The following CNTN4 variants were observed in gnomAD, a reference collection of about 807,000 sequenced individuals.
The protein encoded by CNTN4 is contactin-4.
Under a neutral mutation model 122.5 loss-of-function variants are expected in CNTN4, and 77 were observed. That is an observed-to-expected ratio of 0.63 (90% CI 0.52 to 0.76). The LOEUF (loss-of-function observed/expected upper bound fraction) is 0.76, where lower values mean the gene tolerates loss of function less well. Among genes scored for constraint, CNTN4 ranks in the 30% least tolerant of loss-of-function variants. CNTN4 has a pLI of 0.00. For synonymous variants in CNTN4, 512 were observed against 447.0 expected, an observed-to-expected ratio of 1.15 and a Z score of -1.83; for missense variants, 1,256 against 1,259.1, an observed-to-expected ratio of 1.00 and a Z score of 0.04.
At chr3:3,019,060 G>A (rs2125576705) in intron 14 of CNTN4, among the ~76,000 whole-genome samples, 1 of 152,204 alleles carries the variant, frequency 6.6e-6, no homozygotes, top group East Asian at 1.9e-4. Context: ...CCTAATGTAA[G>A]TAAGTATATA....
At chr3:2,545,281 A>G (rs78542928) in intron 3 of CNTN4, among the ~76,000 whole-genome samples, 13,202 of 152,118 alleles carry the variant, frequency 0.087, 760 homozygotes, top group Non-Finnish European at 0.13. Flanking sequence ...TTTATGTCCA[A>G]TTGTGTGGTC....
At chr3:2,255,349 C>G (rs1352478549) in intron 2 of CNTN4, among the ~76,000 whole-genome samples, 1 of 152,086 alleles carries the variant, frequency 6.6e-6, no homozygotes, top group Non-Finnish European at 1.5e-5. Flanking sequence ...GACTTTAACA[C>G]CCCACTGTCA....
At chr3:2,744,998 C>G (rs182972879) in intron 5 of CNTN4, among the ~76,000 whole-genome samples, 1 of 152,312 alleles carries the variant, frequency 6.6e-6, no homozygotes, top group Non-Finnish European at 1.5e-5. Context: ...TTGGTCCCCA[C>G]AGCAGCTCAA....
intron 17 of CNTN4, among the ~76,000 whole-genome samples, chr3:3,036,448 G>A (rs1417455359): frequency 6.6e-6 from 1 of 152,084 alleles, no homozygotes; most frequent in Non-Finnish European, 1.5e-5. Flanking sequence ...TCTGTTAAAT[G>A]GGCACAATAA....
chr3:2,236,267 A>G (rs17010936), intron 2 of CNTN4, among the ~76,000 whole-genome samples: 29,480 of 152,046 alleles, frequency 0.19, 3,408 homozygotes, highest in South Asian at 0.38. Context: ...AGGAGAATCC[A>G]CTCTGCTGAT....
At chr3:2,530,956 T>A (rs2077575512) in intron 3 of CNTN4, among the ~76,000 whole-genome samples, 1 of 152,200 alleles carries the variant, frequency 6.6e-6, no homozygotes, top group Non-Finnish European at 1.5e-5. Context: ...CTTACCTTGT[T>A]TATTCAGTTG....
chr3:2,320,383 T>C (rs186325382), intron 2 of CNTN4, among the ~76,000 whole-genome samples: 167 of 152,286 alleles, frequency 1.1e-3, no homozygotes, highest in African/African-American at 3.3e-3. Context: ...TGAACTAATA[T>C]TAGGTTATGT....
intron 6 of CNTN4, among the ~76,000 whole-genome samples, chr3:2,782,495 GT>G (rs2091640711): frequency 6.6e-6 from 1 of 151,222 alleles, no homozygotes; most frequent in Non-Finnish European, 1.5e-5. Flanking sequence ...GTGTGTGTGT[GT>G]GTGTGTGTGT....
At chr3:2,670,633 A>G (rs544856850) in intron 4 of CNTN4, among the ~76,000 whole-genome samples, 1 of 152,252 alleles carries the variant, frequency 6.6e-6, no homozygotes, top group Non-Finnish European at 1.5e-5. Context: ...TGATCCTGTC[A>G]TTATGATGTT....
intron 3 of CNTN4, among the ~76,000 whole-genome samples, chr3:2,397,950 G>A (rs541547214): frequency 6.6e-6 from 1 of 152,232 alleles, no homozygotes; most frequent in South Asian, 2.1e-4. Flanking sequence ...AATGAAGAGT[G>A]TATTCATTCT....
At chr3:2,438,528 AC>A (rs200732661) in intron 3 of CNTN4, among the ~76,000 whole-genome samples, 298 of 151,196 alleles carry the variant, frequency 2.0e-3, no homozygotes, top group African/African-American at 6.7e-3. Context: ...TCTCAAAACA[AC>A]CCCCCCAAAA....
At chr3:2,526,805 T>G (rs2077412917) in intron 3 of CNTN4, among the ~76,000 whole-genome samples, 1 of 152,114 alleles carries the variant, frequency 6.6e-6, no homozygotes, top group African/African-American at 2.4e-5. Context: ...AGAAAGAAGA[T>G]TATATTTTAC....
intron 4 of CNTN4, among the ~76,000 whole-genome samples, chr3:2,651,774 C>T (rs916895689): frequency 6.6e-6 from 1 of 150,878 alleles, no homozygotes; most frequent in Admixed American, 6.6e-5. Flanking sequence ...GCTATCTTGG[C>T]TCACTGCAAC....
At chr3:2,504,017 C>CT (rs966079963) in intron 3 of CNTN4, among the ~76,000 whole-genome samples, 78 of 145,700 alleles carry the variant, frequency 5.4e-4, no homozygotes, top group East Asian at 1.4e-3. Context: ...TAAAGCTTTT[C>CT]TTTTTTTTTT....
At position 2,257,993 on chromosome 3, in the gene CNTN4, G is replaced by A. The variant is rs2040670278; in HGVS notation, c.-144-81185G>A. On this transcript the variant is annotated intron_variant, in intron 2 of 24. Coordinates refer to ENST00000418658, the MANE Select transcript of CNTN4 (RefSeq NM_175607.3). ...CAGGAGAATCACTTCAACCCGGGAG[G>A]TGGAAGTTGCAGTGAGCTGAGATCG... Among the ~76,000 whole-genome samples, 5 of 152,142 alleles carry A rather than the reference G, an allele frequency of 3.3e-5. No individual in the cohort carries two copies. In the South Asian group the frequency reaches 1.0e-3, roughly 31 times the overall value.
intron 2 of CNTN4, among the ~76,000 whole-genome samples, chr3:2,327,153 T>TGTTTG (rs1559455687): frequency 0.011 from 1,283 of 114,016 alleles, 6 homozygotes; most frequent in African/African-American, 0.014. Flanking sequence ...GTGTGTGTGT[T>TGTTTG]TGTGTGTGTG....
At chr3:3,043,914 C>G (rs777624796) in intron 23 of CNTN4, among the ~76,000 whole-genome samples, 1 of 152,150 alleles carries the variant, frequency 6.6e-6, no homozygotes, top group Non-Finnish European at 1.5e-5. Context: ...TAACTTTAGT[C>G]TCAGGCAGCA....
intron 3 of CNTN4, among the ~76,000 whole-genome samples, chr3:2,467,892 C>T (rs904130615): frequency 5.3e-5 from 8 of 152,152 alleles, no homozygotes; most frequent in African/African-American, 1.7e-4. Context: ...CACACATCAC[C>T]TCATACTTTT....
chr3:2,949,520 G>A lies in CNTN4; in HGVS notation c.1358+23741G>A, dbSNP rs186059582. Among the ~76,000 whole-genome samples the A allele has an allele frequency of 1.4e-3, 214 of 152,186 alleles. 2 individuals are homozygous for A. Among genetic ancestry groups the A allele is most frequent in the Non-Finnish European group, 4.3e-4 (29 of 67,998 alleles). Reference sequence around the variant, plus strand: ...TCTGCTGTTCTCTACCCAGTGGACCGGGTTATGGGAAGGCACAGGCTAAGC... The same window carrying A: ...TCTGCTGTTCTCTACCCAGTGGACCAGGTTATGGGAAGGCACAGGCTAAGC... On this transcript the variant is annotated intron_variant, in intron 13 of 24. Coordinates refer to ENST00000418658, the MANE Select transcript of CNTN4 (RefSeq NM_175607.3).
Sources: gnomAD v4.1 joint callset for allele counts (sites outside exome capture counted in the v4.1 genomes callset) on GRCh38, gnomAD v4.1.1 for gene constraint, MANE v1.5 for transcripts, NCBI Gene and HGNC (gene_info 2026-07-23, HGNC 2026-07-21) for gene names.